Variants in FILIP1L observed in about 807,000 individuals in gnomAD.
The protein encoded by FILIP1L is filamin A interacting protein 1 like.
FILIP1L carries 55 observed loss-of-function variants against 96.6 expected under a neutral mutation model. The ratio of observed to expected loss-of-function variants is 0.57; its 90% CI spans 0.46 to 0.71. The LOEUF (loss-of-function observed/expected upper bound fraction) is 0.71. Ranked by LOEUF, FILIP1L falls within the 30% of genes least tolerant of loss-of-function variation. FILIP1L has a pLI of 0.00. For synonymous variants in FILIP1L, 467 were observed against 473.9 expected (o/e 0.99, Z 0.19); for missense variants, 1,304 against 1,321.2 (o/e 0.99, Z 0.20).
At chr3:99,994,638 G>A (rs1304948245) in intron 1 of FILIP1L, among the ~76,000 whole-genome samples, 1 of 152,102 alleles carries the variant, frequency 6.6e-6, no homozygotes, top group Non-Finnish European at 1.5e-5. Flanking sequence ...ACAATCACTG[G>A]GTGTATTAGT....
At chr3:100,113,850 A>G (rs2066530388) in intron 1 of FILIP1L, among the ~76,000 whole-genome samples, 1 of 152,144 alleles carries the variant, frequency 6.6e-6, no homozygotes, top group African/African-American at 2.4e-5. Context: ...CTGTCAGGAT[A>G]GTTCCTCTAT....
At chr3:99,940,533 T>G (rs2107675677) in intron 1 of FILIP1L, among the ~76,000 whole-genome samples, 1 of 152,372 alleles carries the variant, frequency 6.6e-6, no homozygotes, top group East Asian at 1.9e-4. Context: ...GATGTGCCTA[T>G]GGTCATGCCC....
chr3:100,025,635 T>C (rs1306740920), intron 1 of FILIP1L: 1 of 152,208 alleles, frequency 6.6e-6, no homozygotes, highest in African/African-American at 2.4e-5. Flanking sequence ...AACAAGTCTT[T>C]GGGTTCATGT....
At chr3:100,058,757 C>T (rs146015249) in intron 1 of FILIP1L, among the ~76,000 whole-genome samples, 355 of 152,312 alleles carry the variant, frequency 2.3e-3, no homozygotes, top group Middle Eastern at 0.01. Flanking sequence ...AGAAGGAGGA[C>T]GCTGTATAAC....
intron 1 of FILIP1L, among the ~76,000 whole-genome samples, chr3:99,960,048 A>G (rs1318118690): frequency 2.0e-5 from 3 of 152,128 alleles, no homozygotes; most frequent in Admixed American, 1.3e-4. Context: ...TAAATTGTCT[A>G]AAGTGTGTAT....
chr3:99,932,770 A>C (rs1327932090), intron 1 of FILIP1L, among the ~76,000 whole-genome samples: 1 of 152,170 alleles, frequency 6.6e-6, no homozygotes, highest in Non-Finnish European at 1.5e-5. Flanking sequence ...ACACACCTGT[A>C]ATCCCAGCTA....
At chr3:99,991,897 T>C (rs933445269) in intron 1 of FILIP1L, among the ~76,000 whole-genome samples, 2 of 149,600 alleles carry the variant, frequency 1.3e-5, no homozygotes, top group African/African-American at 4.9e-5. Flanking sequence ...TATATGTGTG[T>C]ATATATATAC....
At chr3:100,066,877 G>A (rs1325973545) in intron 1 of FILIP1L, among the ~76,000 whole-genome samples, 5 of 152,112 alleles carry the variant, frequency 3.3e-5, no homozygotes, top group Non-Finnish European at 7.4e-5. Context: ...ACAGTTTAAA[G>A]ATTTTTACTT....
rs1457467595 is a variant in FILIP1L, at chr3:99,986,868, CTATAG to C, written c.-10-55843_-10-55839del. The stretch of plus-strand genomic sequence containing the variant: ...CAAAGAGTTATTCAGACCAAAATGT[CTATAG>C]TGCCAAGGTGGAGAAACCCTGATCT... On this transcript the variant is annotated intron_variant, in intron 1 of 5. Coordinates refer to ENST00000477258, the MANE Select transcript of FILIP1L (RefSeq NM_001387850.1). 7.9e-5 allele frequency among the ~76,000 whole-genome samples: 12 copies of C among 152,184 alleles called. No individual in the cohort carries two copies. The East Asian group carries it at 2.3e-3, about 29-fold the overall frequency.
At chr3:100,028,115 A>G (rs551751498) in intron 1 of FILIP1L, among the ~76,000 whole-genome samples, 2 of 152,360 alleles carry the variant, frequency 1.3e-5, no homozygotes, top group East Asian at 3.9e-4. Context: ...ACTAACATTT[A>G]TTAAACACTA....
chr3:99,958,181 C>A (rs553755747), intron 1 of FILIP1L, among the ~76,000 whole-genome samples: 160 of 147,136 alleles, frequency 1.1e-3, no homozygotes, highest in African/African-American at 3.8e-3. Context: ...CAACCCATCA[C>A]CTAGGTATTA....
At chr3:100,087,751 T>C (rs2066036014) in intron 1 of FILIP1L, among the ~76,000 whole-genome samples, 1 of 152,064 alleles carries the variant, frequency 6.6e-6, no homozygotes, top group African/African-American at 2.4e-5. Context: ...CAGTGTTCTC[T>C]TGTGGACTGT....
intron 4 of FILIP1L, among the ~76,000 whole-genome samples, chr3:99,912,964 T>C (rs1480405640): frequency 3.3e-5 from 5 of 152,142 alleles, no homozygotes; most frequent in African/African-American, 1.2e-4. Flanking sequence ...AATGTGATGG[T>C]ATTAGGAAGT....
At chr3:99,842,576 G>A (rs1943183748) in intron 5 of FILIP1L, among the ~76,000 whole-genome samples, 1 of 150,524 alleles carries the variant, frequency 6.6e-6, no homozygotes, top group Non-Finnish European at 1.5e-5. Context: ...CTATGAGGAG[G>A]AAGAAGAACT....
At chr3:99,983,755 A>G (rs1017666844) in intron 1 of FILIP1L, among the ~76,000 whole-genome samples, 1 of 151,484 alleles carries the variant, frequency 6.6e-6, no homozygotes, top group Admixed American at 6.6e-5. Context: ...CCAACTGTTC[A>G]GACCCCAATA....
chr3:100,095,993 T>C (rs531862703), intron 1 of FILIP1L, among the ~76,000 whole-genome samples: 40 of 152,094 alleles, frequency 2.6e-4, no homozygotes, highest in Non-Finnish European at 4.9e-4. Flanking sequence ...AACGAAGACA[T>C]ACAGATGACA....
At chr3:100,021,978 A>T (rs1274794814) in intron 1 of FILIP1L, among the ~76,000 whole-genome samples, 8 of 151,170 alleles carry the variant, frequency 5.3e-5, no homozygotes, top group African/African-American at 1.9e-4. Flanking sequence ...AGAGAGAGAG[A>T]GAGAGAGAGA....
At chr3:99,870,114 G>C (rs946168586) in intron 4 of FILIP1L, among the ~76,000 whole-genome samples, 2 of 152,152 alleles carry the variant, frequency 1.3e-5, no homozygotes, top group Non-Finnish European at 2.9e-5. Flanking sequence ...TCCCATGAGG[G>C]TTATTGCTCA....
rs368700289 is a variant in FILIP1L, at chr3:99,850,544, G to A, written c.1132C>T (p.Arg378Cys). The change falls in exon 5 of 6, where the codon CGT becomes TGT. Residue 378 changes from arginine to cysteine, a missense_variant. Coordinates refer to ENST00000477258, the MANE Select transcript of FILIP1L (RefSeq NM_001387850.1). ...IMAEVEELRK[R>C]VLDMEGKDEE... ...TCTTTCCCTTCCATATCTAGCACACGTTTCCTGAGCTCTTCCACTTCAGCC... is the reference window on the plus strand; with the variant it reads ...TCTTTCCCTTCCATATCTAGCACACATTTCCTGAGCTCTTCCACTTCAGCC... 4.0e-5 allele frequency: 64 copies of A among 1,613,312 alleles called. No homozygotes were observed. The highest frequency in any genetic ancestry group is 1.6e-4 in the Middle Eastern group (1 of 6,080).
Sources: gnomAD v4.1 joint callset for allele counts (sites outside exome capture counted in the v4.1 genomes callset) on GRCh38, gnomAD v4.1.1 for gene constraint, MANE v1.5 for transcripts, NCBI Gene and HGNC (gene_info 2026-07-23, HGNC 2026-07-21) for gene names.